The following VPS13B variants were observed in gnomAD, a reference collection of about 807,000 sequenced individuals.
VPS13B encodes intermembrane lipid transfer protein VPS13B.
Under a neutral mutation model 426.4 loss-of-function variants are expected in VPS13B, and 285 were observed. The observed-to-expected ratio is 0.67, with a 90% CI of 0.61 to 0.74. VPS13B has a LOEUF of 0.74. VPS13B is among the 30% of genes least tolerant of loss of function. VPS13B has a pLI of 0.00. For missense variants in VPS13B, 4,537 were observed against 4,782.6 expected (o/e 0.95, Z 1.51); for synonymous variants, 1,676 against 1,676.4 (o/e 1.00, Z 0.01).
intron 30 of VPS13B, among the ~76,000 whole-genome samples, chr8:99,524,017 G>T (rs961187440): frequency 6.6e-6 from 1 of 152,104 alleles, no homozygotes; most frequent in Non-Finnish European, 1.5e-5. Context: ...ATTCAGAATT[G>T]TATCAGATAA....
intron 16 of VPS13B, among the ~76,000 whole-genome samples, chr8:99,188,962 C>CGAT (rs1244799855): frequency 5.9e-5 from 9 of 152,144 alleles, no homozygotes; most frequent in Admixed American, 5.9e-4. Flanking sequence ...ATTATGAGAG[C>CGAT]GATCTCGGCT....
intron 19 of VPS13B, among the ~76,000 whole-genome samples, chr8:99,293,434 A>G (rs1819850217): frequency 9.4e-6 from 1 of 106,512 alleles, no homozygotes; most frequent in African/African-American, 3.7e-5. Flanking sequence ...AAAACCATAA[A>G]AACCCTAGAA....
chr8:99,509,136 C>G (rs1821650623), intron 28 of VPS13B, among the ~76,000 whole-genome samples: 1 of 152,178 alleles, frequency 6.6e-6, no homozygotes. Context: ...GACAACATCA[C>G]TGTGATCACT....
intron 29 of VPS13B, among the ~76,000 whole-genome samples, chr8:99,511,869 G>T (rs1821808085): frequency 6.6e-6 from 1 of 152,132 alleles, no homozygotes. Flanking sequence ...CAAGCACAGT[G>T]GCTCACATCT....
At chr8:99,238,402 G>A (rs999583987) in intron 17 of VPS13B, among the ~76,000 whole-genome samples, 2 of 152,106 alleles carry the variant, frequency 1.3e-5, no homozygotes, top group African/African-American at 4.8e-5. Flanking sequence ...AGTCCACTCT[G>A]GGGGGATTAG....
At chr8:99,581,966 A>G (rs1232793024) in intron 33 of VPS13B, among the ~76,000 whole-genome samples, 2 of 151,938 alleles carry the variant, frequency 1.3e-5, no homozygotes, top group Non-Finnish European at 1.5e-5. Flanking sequence ...GGATTCTTAC[A>G]TGTTAGTTCC....
Position 99,514,117 on chromosome 8 carries a change from A to G in VPS13B, c.4633+2605A>G, listed in dbSNP as rs186488179. 3.9e-4 allele frequency among the ~76,000 whole-genome samples: 59 copies of G among 152,310 alleles called. No individual in the cohort carries two copies. In the East Asian group the frequency reaches 0.01, roughly 27 times the overall value. ...GGCAATACCTGTGAGAGAAACCTACATGACTGACTTGTTTTCACCATCCAT... is the reference window on the plus strand; with the variant it reads ...GGCAATACCTGTGAGAGAAACCTACGTGACTGACTTGTTTTCACCATCCAT... On this transcript the variant is annotated intron_variant, in intron 29 of 61. Coordinates refer to ENST00000357162, the MANE Select transcript of VPS13B (RefSeq NM_152564.5).
At chr8:99,395,445 T>C (rs1193297621) in intron 21 of VPS13B, among the ~76,000 whole-genome samples, 5 of 152,182 alleles carry the variant, frequency 3.3e-5, no homozygotes, top group Non-Finnish European at 7.3e-5. Flanking sequence ...GTCCATCATA[T>C]ATAATTCTCA....
chr8:99,864,664 A>C (rs1817004333), intron 58 of VPS13B, among the ~76,000 whole-genome samples: 3 of 152,244 alleles, frequency 2.0e-5, no homozygotes, highest in Admixed American at 1.3e-4. Flanking sequence ...CCAGTTAATA[A>C]AAATATATTA....
chr8:99,100,062 T>G (rs1471750955), intron 4 of VPS13B, among the ~76,000 whole-genome samples: 1 of 152,174 alleles, frequency 6.6e-6, no homozygotes, highest in Non-Finnish European at 1.5e-5. Context: ...CTTGACACTA[T>G]CTTGTACCTT....
chr8:99,048,037 A>C (rs1288170091), intron 3 of VPS13B, among the ~76,000 whole-genome samples: 1 of 149,682 alleles, frequency 6.7e-6, no homozygotes, highest in Non-Finnish European at 1.5e-5. Context: ...AGAGGTTTTG[A>C]TAGGTCGTGT....
chr8:99,419,189 T>A (rs992435232), intron 21 of VPS13B, among the ~76,000 whole-genome samples: 3 of 152,252 alleles, frequency 2.0e-5, no homozygotes, highest in South Asian at 2.1e-4. Context: ...AGAAATCTGA[T>A]GGTTTAAAAG....
intron 43 of VPS13B, among the ~76,000 whole-genome samples, chr8:99,794,950 G>A (rs1425864779): frequency 6.6e-6 from 1 of 152,108 alleles, no homozygotes; most frequent in Non-Finnish European, 1.5e-5. Context: ...AGATTTTACA[G>A]GCATATTATT....
chr8:99,160,487 C>A (rs1811587929), intron 15 of VPS13B, among the ~76,000 whole-genome samples: 1 of 151,388 alleles, frequency 6.6e-6, no homozygotes, highest in Admixed American at 6.6e-5. Flanking sequence ...GGTGAAACCT[C>A]ATCTCTACAA....
intron 19 of VPS13B, among the ~76,000 whole-genome samples, chr8:99,334,318 A>C (rs1810701864): frequency 6.6e-6 from 1 of 151,964 alleles, no homozygotes; most frequent in South Asian, 2.1e-4. Context: ...TCAGTAACTA[A>C]TAATAATAAT....
At chr8:99,249,777 A>G (rs1053162827) in intron 17 of VPS13B, among the ~76,000 whole-genome samples, 1 of 152,202 alleles carries the variant, frequency 6.6e-6, no homozygotes, top group African/African-American at 2.4e-5. Flanking sequence ...ATGATGGCTC[A>G]TGCCTGTAAT....
intron 19 of VPS13B, among the ~76,000 whole-genome samples, chr8:99,311,890 C>T (rs1820998953): frequency 6.6e-6 from 1 of 152,162 alleles, no homozygotes; most frequent in African/African-American, 2.4e-5. Context: ...GTAGTTTGCT[C>T]TTCTTGTTGA....
In VPS13B at chr8:99,339,707, A is replaced by T. The variant is rs549564862; in HGVS notation, c.2825-44501A>T. Among the ~76,000 whole-genome samples the T allele has an allele frequency of 3.9e-5, 6 of 152,214 alleles. No individual in the cohort carries two copies. In the South Asian group the frequency reaches 1.0e-3, roughly 26 times the overall value. ...AGGGAACCATAACATTGCACAACAA[A>T]GTATGCTGTAAAATCTCAAACAAGA... On this transcript the variant is annotated intron_variant, in intron 19 of 61. Coordinates refer to ENST00000357162, the MANE Select transcript of VPS13B (RefSeq NM_152564.5).
chr8:99,852,635 A>G (rs1816349099), intron 55 of VPS13B, among the ~76,000 whole-genome samples: 3 of 152,230 alleles, frequency 2.0e-5, no homozygotes, highest in African/African-American at 7.2e-5. Context: ...GAAGTCACTG[A>G]TGACGAGTTG....
Sources: gnomAD v4.1 joint callset for allele counts (sites outside exome capture counted in the v4.1 genomes callset) on GRCh38, gnomAD v4.1.1 for gene constraint, MANE v1.5 for transcripts, NCBI Gene and HGNC (gene_info 2026-07-23, HGNC 2026-07-21) for gene names.